SVIL: variants seen among roughly 807,000 people sequenced by gnomAD.
SVIL encodes archvillin.
A neutral mutation model predicts 240.4 loss-of-function variants in SVIL; 101 were observed. The observed-to-expected ratio is 0.42, with a 90% CI of 0.36 to 0.50. SVIL has a LOEUF of 0.50. Ranked by LOEUF, SVIL falls within the 20% of genes least tolerant of loss-of-function variation. SVIL has a pLI of 0.01. For synonymous variants in SVIL, 999 were observed against 1,100.0 expected (o/e 0.91, Z 1.82); for missense variants, 2,512 against 2,818.7 (o/e 0.89, Z 2.46).
intron 1 of SVIL, among the ~76,000 whole-genome samples, chr10:29,621,741 A>G (rs150759922): frequency 2.6e-5 from 4 of 152,286 alleles, no homozygotes; most frequent in Non-Finnish European, 5.9e-5. Flanking sequence ...CTGGCCCTGC[A>G]TTTCCTACAT....
At chr10:29,726,487 C>T (rs1964296293) in intron 1 of SVIL, among the ~76,000 whole-genome samples, 1 of 152,116 alleles carries the variant, frequency 6.6e-6, no homozygotes, top group Non-Finnish European at 1.5e-5. Context: ...TGGCTCATGC[C>T]TGCAATCCCA....
intron 6 of SVIL, among the ~76,000 whole-genome samples, chr10:29,542,058 G>A (rs1952206704): frequency 6.6e-6 from 1 of 152,162 alleles, no homozygotes. Flanking sequence ...ACATCGCTAA[G>A]CCTGCTGTGT....
At chr10:29,560,080 C>T (rs1455990127) in intron 3 of SVIL, among the ~76,000 whole-genome samples, 2 of 152,208 alleles carry the variant, frequency 1.3e-5, no homozygotes, top group African/African-American at 4.8e-5. Context: ...GAACACTTCT[C>T]TCCTTCACAC....
At chr10:29,459,140 C>T (rs1385477070) in intron 36 of SVIL, among the ~76,000 whole-genome samples, 2 of 152,084 alleles carry the variant, frequency 1.3e-5, no homozygotes, top group Non-Finnish European at 2.9e-5. Flanking sequence ...GAGACAGTGT[C>T]TCACTGTAAC....
At position 29,503,500 on chromosome 10, in the gene SVIL, A is replaced by C. The variant is rs140579488; in HGVS notation, c.3517-4237T>G. 4.8e-3 allele frequency among the ~76,000 whole-genome samples: 731 copies of C among 152,320 alleles called. 6 individuals carry two copies. The highest frequency in any genetic ancestry group is 0.017 in the African/African-American group (702 of 41,576). Reference sequence around the variant, plus strand: ...CTGAACCTTTGTATTATTAAATATTAAGACACCAGTATTGCTGGAAGAAAG... The same window carrying C: ...CTGAACCTTTGTATTATTAAATATTCAGACACCAGTATTGCTGGAAGAAAG... On this transcript the variant is annotated intron_variant, in intron 17 of 37. Transcript: ENST00000355867.
Position 29,484,594 on chromosome 10 carries a change from A to C in SVIL, c.4955+62T>G, listed in dbSNP as rs1413103149. 6.6e-7 allele frequency: 1 copy of C among 1,511,482 alleles called. No homozygotes were observed. The highest frequency in any genetic ancestry group is 9.0e-7 in the Non-Finnish European group (1 of 1,115,842). 93.6% of individuals were successfully genotyped at this position (1,511,482 alleles called of 1,614,324 possible). A position where few individuals can be genotyped will look rare whatever the true frequency, so the allele number is the denominator to read the frequency against. ...GCGAGAGTAGAGGACTGTGGTGAGA[A>C]CAGAGGGATCGAAGGGAATCAGCTC... On this transcript the variant is annotated intron_variant, in intron 27 of 37. Coordinates refer to ENST00000355867, the MANE Select transcript of SVIL (RefSeq NM_021738.3). The surrounding 1 kb of genome is among the most constrained non-coding windows in gnomAD (Gnocchi z 4.7).
chr10:29,538,026 G>A (rs1436667055), intron 6 of SVIL, among the ~76,000 whole-genome samples: 3 of 152,196 alleles, frequency 2.0e-5, no homozygotes, highest in South Asian at 2.1e-4. Context: ...AGCCAGGAAC[G>A]AAGGCAGTGC....
chr10:29,696,395 G>A lies in SVIL; in HGVS notation c.-399-9744C>T, dbSNP rs563310168. Among the ~76,000 whole-genome samples, 25 of 150,878 alleles carry A rather than the reference G, an allele frequency of 1.7e-4. No individual in the cohort carries two copies. In the South Asian group the frequency reaches 4.2e-3, roughly 25 times the overall value. On this transcript the variant is annotated intron_variant, in intron 1 of 35. Coordinates refer to the SVIL transcript ENST00000375400. ...CCACCCCGTCTGGGAAGTGAGGAGCGTCTCTGCCTGGCTGCCCATCGTCTG... is the reference window on the plus strand; with the variant it reads ...CCACCCCGTCTGGGAAGTGAGGAGCATCTCTGCCTGGCTGCCCATCGTCTG...
chr10:29,467,788 ATCCC>A lies in SVIL; in HGVS notation c.5927_5930del (p.Trp1976LeufsTer3). 6.2e-7 allele frequency: 1 copy of A among 1,614,226 alleles called. No individual in the cohort carries two copies. Among genetic ancestry groups the A allele is most frequent in the Non-Finnish European group, 8.5e-7 (1 of 1,180,042 alleles). On this transcript the variant is annotated frameshift_variant, in exon 33 of 38. Coordinates refer to ENST00000355867, the MANE Select transcript of SVIL (RefSeq NM_021738.3). LOFTEE classifies it high-confidence loss of function. ...CTTTCCTGTCTCTCCTTCCTAAGGC[ATCCC>A]AGAATCCGAGTGGCTCGGAGCCTTC...
intron 1 of SVIL, among the ~76,000 whole-genome samples, chr10:29,572,763 C>CAAAAAA (rs375180538): frequency 1.0e-3 from 83 of 80,200 alleles, no homozygotes; most frequent in East Asian, 2.7e-3. Context: ...GATCCTATCT[C>CAAAAAA]AAAAAAAAAA....
At chr10:29,540,599 A>G (rs1276894505) in intron 6 of SVIL, among the ~76,000 whole-genome samples, 7 of 152,174 alleles carry the variant, frequency 4.6e-5, no homozygotes, top group Non-Finnish European at 1.0e-4. Context: ...AGCCTTCCAG[A>G]GTGACAAGCT....
At chr10:29,542,669 C>T (rs1952270341) in intron 6 of SVIL, among the ~76,000 whole-genome samples, 1 of 152,130 alleles carries the variant, frequency 6.6e-6, no homozygotes, top group Non-Finnish European at 1.5e-5. Context: ...TTCTTTGTGT[C>T]ACAAACAATT....
chr10:29,551,479 G>A (rs2132648449), intron 5 of SVIL, among the ~76,000 whole-genome samples: 1 of 152,360 alleles, frequency 6.6e-6, no homozygotes, highest in African/African-American at 2.4e-5. Flanking sequence ...TGTGAATGGT[G>A]CACGTTCTGC....
intron 1 of SVIL, among the ~76,000 whole-genome samples, chr10:29,594,618 G>A (rs1306911116): frequency 2.0e-5 from 3 of 150,008 alleles, no homozygotes; most frequent in Non-Finnish European, 4.4e-5. Context: ...GTCCAGTGGT[G>A]CAGTCTGGGC....
intron 1 of SVIL, among the ~76,000 whole-genome samples, chr10:29,609,658 C>T (rs11592129): frequency 0.42 from 63,777 of 151,922 alleles, 13,550 homozygotes; most frequent in African/African-American, 0.46. Flanking sequence ...ACATTCCCCT[C>T]ATCCAGACGC....
intron 1 of SVIL, among the ~76,000 whole-genome samples, chr10:29,630,160 C>T (rs1179328448): frequency 2.6e-5 from 4 of 152,036 alleles, no homozygotes; most frequent in Non-Finnish European, 4.4e-5. Context: ...AGAGGGAATA[C>T]GCTATAGGCT....
intron 1 of SVIL, among the ~76,000 whole-genome samples, chr10:29,733,250 C>T (rs1013924436): frequency 3.3e-5 from 5 of 152,080 alleles, no homozygotes; most frequent in Non-Finnish European, 5.9e-5. Context: ...GGCACTGTGC[C>T]GAGTATCTCA....
Position 29,735,105 on chromosome 10 carries a change from G to A in SVIL, c.-400+646C>T, listed in dbSNP as rs1358102820. ...TCTGGAGCTCCACTCGGGGTGCCAG[G>A]GACTGCTGGCTGTCACCCGGGGACT... is the stretch of plus-strand genomic sequence containing the variant. On this transcript the variant is annotated intron_variant, in intron 1 of 35. Coordinates refer to the SVIL transcript ENST00000375400. The surrounding 1 kb of genome is among the most constrained non-coding windows in gnomAD (Gnocchi z 4.1). Among the ~76,000 whole-genome samples the A allele has an allele frequency of 1.3e-5, 2 of 151,834 alleles. No homozygotes were observed. Among genetic ancestry groups the A allele is most frequent in the Non-Finnish European group, 1.5e-5 (1 of 67,958 alleles).
upstream of SVIL, among the ~76,000 whole-genome samples, chr10:29,636,954 A>T (rs1183846052): frequency 6.6e-6 from 1 of 152,036 alleles, no homozygotes; most frequent in African/African-American, 2.4e-5. Flanking sequence ...GATGTGCACC[A>T]CCACACTGGG....
Sources: gnomAD v4.1 joint callset for allele counts (sites outside exome capture counted in the v4.1 genomes callset) on GRCh38, gnomAD v4.1.1 for gene constraint, Gnocchi (gnomAD v3.1) non-coding constraint, MANE v1.5 for transcripts, NCBI Gene and HGNC (gene_info 2026-07-23, HGNC 2026-07-21) for gene names.